Variants in PRMT3 observed in about 807,000 individuals in gnomAD.
PRMT3 encodes protein arginine methyltransferase 3.
A neutral mutation model predicts 71.9 loss-of-function variants in PRMT3; 62 were observed. That is an observed-to-expected ratio of 0.86 (90% CI 0.70 to 1.07). The LOEUF is 1.07. PRMT3 is among the 50% of genes least tolerant of loss of function. The probability of loss-of-function intolerance (pLI) is 0.00; values close to 1 mark genes in which losing one functional copy is unlikely to be tolerated. For synonymous variants in PRMT3, 213 were observed against 220.4 expected (o/e 0.97, Z 0.30); for missense variants, 663 against 643.0 (o/e 1.03, Z -0.34).
intron 15 of PRMT3, among the ~76,000 whole-genome samples, chr11:20,508,048 G>T (rs1851634817): frequency 6.6e-6 from 1 of 151,580 alleles, no homozygotes. Flanking sequence ...GGAGGTTGCA[G>T]TGAGCCAAGC....
chr11:20,495,050 C>A (rs372712317), intron 15 of PRMT3, among the ~76,000 whole-genome samples: 1 of 151,466 alleles, frequency 6.6e-6, no homozygotes, highest in Admixed American at 6.6e-5. Context: ...TTTTTTGAGA[C>A]GGAGTTCCAC....
At chr11:20,389,248 T>C (rs566318910) in intron 2 of PRMT3, among the ~76,000 whole-genome samples, 2 of 152,196 alleles carry the variant, frequency 1.3e-5, no homozygotes, top group Non-Finnish European at 2.9e-5. Context: ...TGCAAGTACG[T>C]TGGGAATACT....
intron 13 of PRMT3, among the ~76,000 whole-genome samples, chr11:20,482,585 A>G (rs1444152187): frequency 2.6e-5 from 4 of 152,214 alleles, no homozygotes; most frequent in Non-Finnish European, 4.4e-5. Context: ...TTAGATTGTG[A>G]TAAGAAATGA....
intron 15 of PRMT3, among the ~76,000 whole-genome samples, chr11:20,502,435 T>A (rs1036201956): frequency 3.3e-5 from 5 of 152,226 alleles, no homozygotes; most frequent in African/African-American, 1.2e-4. Flanking sequence ...TACCTGTATT[T>A]CATTTTAAGA....
Position 20,461,977 on chromosome 11 carries a change from C to G in PRMT3, c.1073-3C>G. ...TAATTGTTGGGCATTTTGTTTGTTA[C>G]AGTCTACCCTGACATTTGCACTATC... On this transcript the variant is annotated splice_region_variant and splice_polypyrimidine_tract_variant and intron_variant, in intron 11 of 15. Transcript: ENST00000331079. The G allele has an allele frequency of 1.3e-6, 2 of 1,522,148 alleles. No individual in the cohort carries two copies. Among genetic ancestry groups the G allele is most frequent in the Non-Finnish European group, 1.8e-6 (2 of 1,124,722 alleles). 94.3% of individuals were successfully genotyped at this position (1,522,148 alleles called of 1,614,324 possible).
At chr11:20,406,832 A>G (rs571529124) in intron 8 of PRMT3, 2 of 152,236 alleles carry the variant, frequency 1.3e-5, no homozygotes, top group African/African-American at 4.8e-5. Flanking sequence ...TTTTTTGATA[A>G]TAGCTATCCT....
chr11:20,454,636 T>TA (rs1360157280), intron 11 of PRMT3, among the ~76,000 whole-genome samples: 2 of 152,170 alleles, frequency 1.3e-5, no homozygotes, highest in South Asian at 2.1e-4. Context: ...TATGTCTTGA[T>TA]GCGTATCACC....
chr11:20,481,373 T>G (rs1850927896), intron 13 of PRMT3, among the ~76,000 whole-genome samples: 1 of 152,054 alleles, frequency 6.6e-6, no homozygotes, highest in South Asian at 2.1e-4. Context: ...GAGAAACACA[T>G]CTGCTGTTTC....
At chr11:20,464,384 TTTTTG>T (rs1385487450) in intron 12 of PRMT3, 71 bp from the exon 13 acceptor site, 13 of 1,490,922 alleles carry the variant, frequency 8.7e-6, no homozygotes, top group Middle Eastern at 2.0e-4. Flanking sequence ...GTCTGGGTTG[TTTTTG>T]TTTTATTTTT....
intron 10 of PRMT3, among the ~76,000 whole-genome samples, chr11:20,451,470 A>C (rs1358057589): frequency 6.6e-6 from 1 of 151,760 alleles, no homozygotes; most frequent in Non-Finnish European, 1.5e-5. Flanking sequence ...CTTTTTGACT[A>C]AGGATCCCTC....
chr11:20,392,340 A>G, intron 4 of PRMT3, 80 bp downstream of exon 4: 1 of 1,387,732 alleles, frequency 7.2e-7, no homozygotes, highest in Non-Finnish European at 9.7e-7. Context: ...TGATTATTTA[A>G]AAGAATATGA....
intron 15 of PRMT3, among the ~76,000 whole-genome samples, chr11:20,501,259 A>G (rs973940672): frequency 6.6e-6 from 1 of 152,186 alleles, no homozygotes; most frequent in Non-Finnish European, 1.5e-5. Flanking sequence ...GAAGTTCAAC[A>G]TCTTAGTGTG....
chr11:20,429,831 T>C (rs1434584799), intron 10 of PRMT3, among the ~76,000 whole-genome samples: 2 of 152,224 alleles, frequency 1.3e-5, no homozygotes, highest in Non-Finnish European at 1.5e-5. Context: ...GAAATTTGCA[T>C]TTAAGGCTTA....
intron 12 of PRMT3, among the ~76,000 whole-genome samples, chr11:20,462,406 T>C (rs1473307277): frequency 2.0e-5 from 3 of 152,182 alleles, no homozygotes; most frequent in Non-Finnish European, 4.4e-5. Context: ...CAAATCTAAC[T>C]CTGAACCGGT....
chr11:20,477,802 A>AC (rs147395508), intron 13 of PRMT3, among the ~76,000 whole-genome samples: 11,123 of 116,300 alleles, frequency 0.096, 633 homozygotes, highest in Middle Eastern at 0.17. Context: ...CTTAGGAGAA[A>AC]CCCCCCCCCC....
At chr11:20,488,019 A>G (rs962900901) in intron 13 of PRMT3, among the ~76,000 whole-genome samples, 2 of 152,002 alleles carry the variant, frequency 1.3e-5, no homozygotes, top group African/African-American at 4.8e-5. Context: ...TGCTTTGTCT[A>G]TTTTTTACCA....
At chr11:20,435,213 TA>T (rs77834967) in intron 10 of PRMT3, among the ~76,000 whole-genome samples, 7,143 of 152,264 alleles carry the variant, frequency 0.047, 268 homozygotes, top group East Asian at 0.2. Flanking sequence ...TTTTAGTTGA[TA>T]TTTTTTTAAT....
intron 13 of PRMT3, among the ~76,000 whole-genome samples, chr11:20,476,444 A>G (rs1448020155): frequency 6.6e-6 from 1 of 152,034 alleles, no homozygotes; most frequent in Non-Finnish European, 1.5e-5. Flanking sequence ...GAACATTTTA[A>G]TATGAATGTA....
At chr11:20,490,112 T>C (rs938722343) in intron 13 of PRMT3, among the ~76,000 whole-genome samples, 1 of 151,504 alleles carries the variant, frequency 6.6e-6, no homozygotes, top group African/African-American at 2.4e-5. Context: ...GAATGCTGTC[T>C]AGTGAGTAGA....
Sources: gnomAD v4.1 joint callset for allele counts (sites outside exome capture counted in the v4.1 genomes callset) on GRCh38, gnomAD v4.1.1 for gene constraint, MANE v1.5 for transcripts, NCBI Gene and HGNC (gene_info 2026-07-23, HGNC 2026-07-21) for gene names.